Variants in ABCC4 observed in about 807,000 individuals in gnomAD.
The protein encoded by ABCC4 is ATP binding cassette subfamily C member 4 (PEL blood group).
A neutral mutation model predicts 168.5 loss-of-function variants in ABCC4; 102 were observed. The observed-to-expected ratio is 0.61, with a 90% CI of 0.52 to 0.71. The LOEUF is 0.71. Among genes scored for constraint, ABCC4 ranks in the 30% least tolerant of loss-of-function variants. The pLI is 0.00. For missense variants in ABCC4, 1,402 were observed against 1,605.8 expected (o/e 0.87, Z 2.17); for synonymous variants, 617 against 590.7 (o/e 1.04, Z -0.65).
chr13:95,141,378 G>C (rs2036311541), intron 19 of ABCC4, among the ~76,000 whole-genome samples: 1 of 151,960 alleles, frequency 6.6e-6, no homozygotes, highest in South Asian at 2.1e-4. Flanking sequence ...TTATCATCCG[G>C]GTGTTTTTGC....
chr13:95,263,425 C>A (rs917029978), intron 1 of ABCC4, among the ~76,000 whole-genome samples: 1 of 152,016 alleles, frequency 6.6e-6, no homozygotes, highest in Non-Finnish European at 1.5e-5. Flanking sequence ...TATATATATA[C>A]ACATACACAC....
intron 14 of ABCC4, among the ~76,000 whole-genome samples, chr13:95,167,089 A>C (rs55956509): frequency 0.073 from 11,155 of 152,084 alleles, 518 homozygotes; most frequent in South Asian, 0.14. Context: ...AGGCAGGAGA[A>C]TCACTTGAAC....
At chr13:95,068,416 G>A (rs545573334) in intron 25 of ABCC4, among the ~76,000 whole-genome samples, 10 of 152,210 alleles carry the variant, frequency 6.6e-5, no homozygotes, top group South Asian at 2.1e-4. Flanking sequence ...GCTTGAGGTC[G>A]GGGTTCAAGA....
intron 30 of ABCC4, among the ~76,000 whole-genome samples, chr13:95,031,154 G>A (rs1191764086): frequency 6.6e-6 from 1 of 152,208 alleles, no homozygotes; most frequent in African/African-American, 2.4e-5. Context: ...TTGACAATCT[G>A]ACAGCTTGTT....
At chr13:95,160,821 CTA>C (rs2037073836) in intron 19 of ABCC4, among the ~76,000 whole-genome samples, 1 of 152,304 alleles carries the variant, frequency 6.6e-6, no homozygotes, top group East Asian at 1.9e-4. Context: ...TAACCTAACA[CTA>C]TGTAAACACA....
At chr13:95,198,622 G>T (rs1566518081) in intron 8 of ABCC4, among the ~76,000 whole-genome samples, 2 of 152,156 alleles carry the variant, frequency 1.3e-5, no homozygotes, top group Non-Finnish European at 2.9e-5. Context: ...ATACCCAAAG[G>T]ATTATAAATC....
intron 3 of ABCC4, among the ~76,000 whole-genome samples, chr13:95,241,403 A>G (rs2039941145): frequency 6.6e-6 from 1 of 152,042 alleles, no homozygotes; most frequent in African/African-American, 2.4e-5. Context: ...TCTCAAAGAA[A>G]CATTTAGATA....
rs115415593 is a variant in ABCC4, at chr13:95,136,846, C to A, written c.2456-20845G>T. Among the ~76,000 whole-genome samples the A allele has an allele frequency of 5.3e-3, 813 of 152,320 alleles. 5 individuals are homozygous for A. Among genetic ancestry groups the A allele is most frequent in the African/African-American group, 0.018 (748 of 41,576 alleles). ...CTGCCGAACGCCCAGCCTGCCCAGG[C>A]GCACACGGCTCGCCACTGCCAGCAT... On this transcript the variant is annotated intron_variant, in intron 19 of 30. Coordinates refer to ENST00000645237, the MANE Select transcript of ABCC4 (RefSeq NM_005845.5).
chr13:95,159,127 ATATAT>A (rs1566475379), intron 19 of ABCC4, among the ~76,000 whole-genome samples: 7 of 129,602 alleles, frequency 5.4e-5, no homozygotes, highest in African/African-American at 1.9e-4. Context: ...ATATATATAT[ATATAT>A]AACTATTGAA....
At chr13:95,229,636 T>C (rs566407543) in intron 4 of ABCC4, among the ~76,000 whole-genome samples, 1 of 152,226 alleles carries the variant, frequency 6.6e-6, no homozygotes, top group East Asian at 1.9e-4. Context: ...TAAGGAAAAG[T>C]CTCTATGCCT....
chr13:95,238,835 C>T lies in ABCC4; in HGVS notation c.307-4001G>A, dbSNP rs376565716. On this transcript the variant is annotated intron_variant, in intron 3 of 30. Coordinates refer to ENST00000645237, the MANE Select transcript of ABCC4 (RefSeq NM_005845.5). ...CCTCCCAAAGTGCTGGGATTACAGGCGTGAGCCACTGTGCCTGACCCTGAA... is the reference window on the plus strand; with the variant it reads ...CCTCCCAAAGTGCTGGGATTACAGGTGTGAGCCACTGTGCCTGACCCTGAA... 7.9e-5 allele frequency among the ~76,000 whole-genome samples: 12 copies of T among 152,262 alleles called. No individual in the cohort carries two copies. The South Asian group carries it at 1.0e-3, about 13-fold the overall frequency.
chr13:95,262,615 C>T (rs1274919079), intron 1 of ABCC4, among the ~76,000 whole-genome samples: 4 of 150,396 alleles, frequency 2.7e-5, no homozygotes, highest in African/African-American at 2.5e-5. Context: ...TGAAGTCAAA[C>T]GAAATGACAC....
chr13:95,153,073 A>C (rs557433185), intron 19 of ABCC4, among the ~76,000 whole-genome samples: 1 of 152,304 alleles, frequency 6.6e-6, no homozygotes, highest in South Asian at 2.1e-4. Flanking sequence ...TGGCTAATGG[A>C]ATATCATTAG....
At chr13:95,083,035 A>C (rs1050885737) in intron 21 of ABCC4, 105 bp downstream of exon 21, 40 of 1,299,028 alleles carry the variant, frequency 3.1e-5, no homozygotes, top group Non-Finnish European at 3.7e-5. Flanking sequence ...ATGTTAGAGA[A>C]ATTCTGGAAG....
At chr13:95,164,066 G>GA (rs2037192955) in intron 16 of ABCC4, among the ~76,000 whole-genome samples, 1 of 145,346 alleles carries the variant, frequency 6.9e-6, no homozygotes. Context: ...AAGAAAGAAA[G>GA]AAAGAAAGAA....
chr13:95,209,611 G>C lies in ABCC4; in HGVS notation c.622-14C>G. 6.2e-7 allele frequency: 1 copy of C among 1,605,344 alleles called. No homozygotes were observed. Among genetic ancestry groups the C allele is most frequent in the South Asian group, 1.1e-5 (1 of 89,884 alleles). On this transcript the variant is annotated splice_polypyrimidine_tract_variant and intron_variant, in intron 5 of 30. Transcript: ENST00000645237. ...GAACACTGTCACCTTTAAAGAAAAA[G>C]ACAGAGCGTTCTTAGGACTCCAGAA...
At chr13:95,238,621 T>C (rs1253706184) in intron 3 of ABCC4, among the ~76,000 whole-genome samples, 1 of 152,220 alleles carries the variant, frequency 6.6e-6, no homozygotes, top group Admixed American at 6.5e-5. Context: ...AGTGGTGCAA[T>C]CTCAGCTCAC....
At chr13:95,279,103 T>C (rs2041048341) in intron 1 of ABCC4, among the ~76,000 whole-genome samples, 1 of 152,148 alleles carries the variant, frequency 6.6e-6, no homozygotes, top group Admixed American at 6.5e-5. Flanking sequence ...CACAGGATAC[T>C]ACAGAGATAA....
chr13:95,279,986 T>C (rs4148421), intron 1 of ABCC4, among the ~76,000 whole-genome samples: 59,147 of 151,856 alleles, frequency 0.39, 14,160 homozygotes, highest in Non-Finnish European at 0.54. Context: ...ATGCCAAGGT[T>C]TGTGCTCACC....
Sources: allele counts gnomAD v4.1 joint callset (sites outside exome capture counted in the v4.1 genomes callset), GRCh38; gene constraint gnomAD v4.1.1; transcripts MANE v1.5; gene names NCBI Gene and HGNC (gene_info 2026-07-23, HGNC 2026-07-21).